The following SENP6 variants were observed in gnomAD, a reference collection of about 807,000 sequenced individuals.
SENP6 encodes the protein sentrin-specific protease 6.
Under a neutral mutation model 134.5 loss-of-function variants are expected in SENP6, and 41 were observed. That is an observed-to-expected ratio of 0.30 (90% CI 0.24 to 0.40). The LOEUF (loss-of-function observed/expected upper bound fraction) is 0.40, where lower values mean the gene tolerates loss of function less well. Among genes scored for constraint, SENP6 ranks in the 10% least tolerant of loss-of-function variants. The pLI is 1.00. For missense variants in SENP6, 1,248 were observed against 1,312.5 expected (o/e 0.95, Z 0.76); for synonymous variants, 395 against 429.8 (o/e 0.92, Z 1.00).
chr6:75,645,156 C>A (rs1173813202), intron 6 of SENP6, among the ~76,000 whole-genome samples: 3 of 152,178 alleles, frequency 2.0e-5, no homozygotes, highest in Non-Finnish European at 4.4e-5. Context: ...TGCTACCCAC[C>A]TACACAGGAA....
chr6:75,647,740 C>A lies in SENP6; in HGVS notation c.489C>A (p.Tyr163Ter). ...SSLDRKERKE[Y>*]PPHVQKVEIN... ...TAAATTTCTTTTTTAGGAAAGAATA[C>A]CCACCTCATGTCCAAAAAGTTGAAA... The change falls in exon 7 of 24, where the codon TAC becomes TAA. Residue 163 changes from tyrosine (Y) to a stop codon, truncating the protein, a stop_gained. Coordinates refer to ENST00000447266, the MANE Select transcript of SENP6 (RefSeq NM_015571.4). LOFTEE classifies it high-confidence loss of function. The A allele has an allele frequency of 6.2e-7, 1 of 1,608,254 alleles. No individual in the cohort carries two copies. Among genetic ancestry groups the A allele is most frequent in the Non-Finnish European group, 8.5e-7 (1 of 1,175,328 alleles).
intron 10 of SENP6, among the ~76,000 whole-genome samples, chr6:75,667,364 CA>C (rs1213930853): frequency 6.6e-6 from 1 of 152,018 alleles, no homozygotes; most frequent in Non-Finnish European, 1.5e-5. Context: ...GTATCTAGGA[CA>C]ACTATTTGTA....
chr6:75,660,351 A>G (rs1477561475), intron 8 of SENP6, among the ~76,000 whole-genome samples: 12 of 152,256 alleles, frequency 7.9e-5, no homozygotes, highest in Admixed American at 7.9e-4. Flanking sequence ...TAATTCATTA[A>G]TAAGATTTCT....
At chr6:75,704,735 C>A (rs1775276288) in intron 19 of SENP6, among the ~76,000 whole-genome samples, 2 of 152,206 alleles carry the variant, frequency 1.3e-5, no homozygotes, top group African/African-American at 4.8e-5. Context: ...TGGGGAGAAA[C>A]CTTGGACAAT....
chr6:75,692,467 CAAA>C (rs35719479), intron 16 of SENP6, among the ~76,000 whole-genome samples: 1 of 149,064 alleles, frequency 6.7e-6, no homozygotes, highest in Non-Finnish European at 1.5e-5. Context: ...CAAAAACATA[CAAA>C]AAAAAAATTA....
At chr6:75,698,629 CTAGCAAAGCTATATATTT>C (rs1774814323) in intron 18 of SENP6, among the ~76,000 whole-genome samples, 1 of 152,144 alleles carries the variant, frequency 6.6e-6, no homozygotes, top group Admixed American at 6.5e-5. Flanking sequence ...GCCACTGCTC[CTAGCAAAGCTATATATTT>C]TTAAATTCAT....
At chr6:75,645,933 A>AT (rs1770403362) in intron 6 of SENP6, among the ~76,000 whole-genome samples, 1 of 152,220 alleles carries the variant, frequency 6.6e-6, no homozygotes, top group African/African-American at 2.4e-5. Flanking sequence ...TAGCTATCAT[A>AT]TGATGTATTC....
At chr6:75,646,777 A>C (rs1355299058) in intron 6 of SENP6, 2 of 151,894 alleles carry the variant, frequency 1.3e-5, no homozygotes, top group Non-Finnish European at 2.9e-5. Flanking sequence ...CGGAGCTTGC[A>C]GTGAGCCGAG....
chr6:75,664,504 A>G (rs1772041948), intron 9 of SENP6, among the ~76,000 whole-genome samples: 1 of 152,122 alleles, frequency 6.6e-6, no homozygotes. Flanking sequence ...TATTGTCCCT[A>G]ATTCTACAGA....
At chr6:75,609,263 C>G (rs1193076874) in intron 1 of SENP6, among the ~76,000 whole-genome samples, 5 of 152,102 alleles carry the variant, frequency 3.3e-5, no homozygotes, top group Non-Finnish European at 4.4e-5. Flanking sequence ...CCTGTACCTC[C>G]CCCCAAAGGA....
At chr6:75,617,903 C>T (rs1011089178) in intron 1 of SENP6, among the ~76,000 whole-genome samples, 61 of 152,052 alleles carry the variant, frequency 4.0e-4, no homozygotes, top group African/African-American at 1.4e-3. Context: ...TATACAGTGT[C>T]CCTCAGGTTG....
At chr6:75,628,988 G>C (rs1768908985) in intron 3 of SENP6, among the ~76,000 whole-genome samples, 1 of 152,172 alleles carries the variant, frequency 6.6e-6, no homozygotes, top group Non-Finnish European at 1.5e-5. Context: ...GCCTCCCAAA[G>C]TGCTGGAATT....
intron 16 of SENP6, among the ~76,000 whole-genome samples, chr6:75,688,667 C>T (rs1774018796): frequency 6.6e-6 from 1 of 152,146 alleles, no homozygotes; most frequent in Non-Finnish European, 1.5e-5. Flanking sequence ...TACCTGTAAT[C>T]CCAGGGCTTT....
chr6:75,609,941 C>T (rs1767319181), intron 1 of SENP6, among the ~76,000 whole-genome samples: 1 of 152,090 alleles, frequency 6.6e-6, no homozygotes, highest in African/African-American at 2.4e-5. Flanking sequence ...GCGCATACCA[C>T]CATGCCTGAC....
chr6:75,636,262 T>G (rs1223482994), intron 5 of SENP6, among the ~76,000 whole-genome samples: 1 of 152,214 alleles, frequency 6.6e-6, no homozygotes, highest in Non-Finnish European at 1.5e-5. Flanking sequence ...TGAAAAATTC[T>G]TAATGATTAG....
At chr6:75,653,067 G>A (rs1379700662) in intron 7 of SENP6, among the ~76,000 whole-genome samples, 1 of 151,046 alleles carries the variant, frequency 6.6e-6, no homozygotes, top group East Asian at 1.9e-4. Flanking sequence ...TTTCGCTCTT[G>A]TTGCCCAAGC....
chr6:75,624,464 C>T (rs1308638178), intron 3 of SENP6, among the ~76,000 whole-genome samples: 1 of 152,044 alleles, frequency 6.6e-6, no homozygotes, highest in Admixed American at 6.6e-5. Flanking sequence ...TTTATCAGGA[C>T]AGGTCCATTT....
rs532324883 is a variant in SENP6, at chr6:75,663,670, TAAAAA to T, written c.994+156_994+160del. Reference sequence around the variant, plus strand: ...TCTCATCCTGTCCATCTTAAATAGTTAAAAAAAACAAAAAAAAGAACCACAGAACT... The same window carrying T: ...TCTCATCCTGTCCATCTTAAATAGTTAAACAAAAAAAAGAACCACAGAACT... On this transcript the variant is annotated intron_variant, in intron 9 of 23. Transcript: ENST00000447266. 1.0e-5 allele frequency: 6 copies of T among 602,800 alleles called. No individual in the cohort carries two copies. The Admixed American group carries it at 2.3e-4, about 23-fold the overall frequency. The allele number at this position is 602,800 out of a possible 1,614,324, so 37.3% of individuals were successfully genotyped here.
At chr6:75,611,885 A>G (rs897021243) in intron 1 of SENP6, 1 of 152,386 alleles carries the variant, frequency 6.6e-6, no homozygotes, top group South Asian at 2.1e-4. Context: ...ATAGAAGTAG[A>G]TAGACTAGTG....
Sources: gnomAD v4.1 joint callset for allele counts (sites outside exome capture counted in the v4.1 genomes callset) on GRCh38, gnomAD v4.1.1 for gene constraint, MANE v1.5 for transcripts, NCBI Gene and HGNC (gene_info 2026-07-23, HGNC 2026-07-21) for gene names.